The following CFAP54 variants were observed in gnomAD, a reference collection of about 807,000 sequenced individuals.
CFAP54 encodes the protein cilia and flagella associated protein 54, also known as cilia- and flagella-associated protein 54.
CFAP54 carries 290 observed loss-of-function variants against 370.4 expected under a neutral mutation model. That is an observed-to-expected ratio of 0.78 (90% CI 0.71 to 0.86). CFAP54 has a LOEUF of 0.86. Among genes scored for constraint, CFAP54 ranks in the 40% least tolerant of loss-of-function variants. CFAP54 has a pLI of 0.00. For synonymous variants in CFAP54, 1,206 were observed against 1,236.5 expected (o/e 0.98, Z 0.52); for missense variants, 3,399 against 3,528.7 (o/e 0.96, Z 0.93).
At chr12:96,822,169 A>G (rs1959042241) in intron 65 of CFAP54, among the ~76,000 whole-genome samples, 1 of 152,182 alleles carries the variant, frequency 6.6e-6, no homozygotes, top group South Asian at 2.1e-4. Context: ...CTGGCTGTGA[A>G]TGGCTGAGTT....
At chr12:96,746,563 A>G (rs1440890837) in intron 55 of CFAP54, among the ~76,000 whole-genome samples, 2 of 152,020 alleles carry the variant, frequency 1.3e-5, no homozygotes, top group African/African-American at 2.4e-5. Context: ...CCAATTTTCC[A>G]TCTCCCTCTC....
At chr12:96,848,570 G>A (rs1959434402) in intron 66 of CFAP54, among the ~76,000 whole-genome samples, 1 of 152,056 alleles carries the variant, frequency 6.6e-6, no homozygotes, top group South Asian at 2.1e-4. Flanking sequence ...GGTGGCATGT[G>A]CCTGTAGTCC....
chr12:96,650,350 A>G (rs889960507), intron 35 of CFAP54, among the ~76,000 whole-genome samples: 2 of 151,976 alleles, frequency 1.3e-5, no homozygotes, highest in Admixed American at 1.3e-4. Flanking sequence ...CTGTTCATGC[A>G]GTTCCTATGA....
At chr12:96,735,400 C>T (rs1046561794) in intron 50 of CFAP54, among the ~76,000 whole-genome samples, 1 of 152,134 alleles carries the variant, frequency 6.6e-6, no homozygotes, top group African/African-American at 2.4e-5. Context: ...AAGGGGTTCA[C>T]TATCCAAAAA....
chr12:96,842,070 C>T (rs1272171242), intron 66 of CFAP54, among the ~76,000 whole-genome samples: 1 of 152,176 alleles, frequency 6.6e-6, no homozygotes, highest in African/African-American at 2.4e-5. Context: ...CCTTTAACAA[C>T]TCCCTTCATT....
chr12:96,716,914 A>G (rs1957688021), intron 48 of CFAP54, among the ~76,000 whole-genome samples: 1 of 152,132 alleles, frequency 6.6e-6, no homozygotes, highest in South Asian at 2.1e-4. Flanking sequence ...ATATGGTGTT[A>G]TTTTTGCTGG....
chr12:96,870,907 G>A (rs1251157456), intron 67 of CFAP54, among the ~76,000 whole-genome samples: 1 of 152,172 alleles, frequency 6.6e-6, no homozygotes, highest in Non-Finnish European at 1.5e-5. Flanking sequence ...AACAAACTAG[G>A]TGAGGTCCAC....
intron 39 of CFAP54, among the ~76,000 whole-genome samples, chr12:96,668,592 A>T (rs1024506292): frequency 6.6e-6 from 1 of 152,210 alleles, no homozygotes; most frequent in Admixed American, 6.5e-5. Flanking sequence ...GGTTCTTCCC[A>T]TGACACATGG....
At chr12:96,569,680 C>G (rs1955895402) in intron 19 of CFAP54, among the ~76,000 whole-genome samples, 1 of 152,140 alleles carries the variant, frequency 6.6e-6, no homozygotes, top group Non-Finnish European at 1.5e-5. Context: ...CCACTCTAAG[C>G]AAAGGAGCAT....
intron 62 of CFAP54, among the ~76,000 whole-genome samples, chr12:96,791,738 G>T (rs1023479739): frequency 2.6e-5 from 4 of 152,126 alleles, no homozygotes; most frequent in African/African-American, 9.7e-5. Context: ...CAGTGGTAAT[G>T]TTGAGACTGA....
intron 35 of CFAP54, among the ~76,000 whole-genome samples, chr12:96,651,370 TA>T (rs1434766527): frequency 6.6e-6 from 1 of 152,204 alleles, no homozygotes; most frequent in African/African-American, 2.4e-5. Context: ...GTAAATTGGG[TA>T]AAATACTAGT....
intron 26 of CFAP54, among the ~76,000 whole-genome samples, chr12:96,614,016 G>A (rs1093228): frequency 0.21 from 31,483 of 152,034 alleles, 3,559 homozygotes; most frequent in East Asian, 0.48. Flanking sequence ...CATTTTATGA[G>A]GCCAGTGTCA....
chr12:96,546,613 GA>G (rs1194416102), intron 14 of CFAP54, among the ~76,000 whole-genome samples: 1 of 152,166 alleles, frequency 6.6e-6, no homozygotes, highest in African/African-American at 2.4e-5. Flanking sequence ...TGGACCACAT[GA>G]GGTCAGGAGT....
chr12:96,816,480 C>T (rs948556946), intron 64 of CFAP54, among the ~76,000 whole-genome samples: 3 of 152,114 alleles, frequency 2.0e-5, no homozygotes, highest in Non-Finnish European at 2.9e-5. Context: ...GTTTCTAAGG[C>T]ATACTATATA....
intron 1 of CFAP54, among the ~76,000 whole-genome samples, chr12:96,492,556 G>T (rs1954896051): frequency 1.3e-5 from 2 of 152,138 alleles, no homozygotes; most frequent in Non-Finnish European, 2.9e-5. Flanking sequence ...TTGTTTTCTT[G>T]TGTATTGTCT....
chr12:96,786,652 C>G (rs11108696), intron 61 of CFAP54, 23 bp from the exon 62 acceptor site: 506,026 of 1,468,378 alleles, frequency 0.34, 89,372 homozygotes, highest in South Asian at 0.53. Flanking sequence ...TGAACCTAAA[C>G]TAAGGTATTT....
At chr12:96,666,896 C>A (rs1957087304) in intron 39 of CFAP54, among the ~76,000 whole-genome samples, 1 of 152,190 alleles carries the variant, frequency 6.6e-6, no homozygotes, top group Non-Finnish European at 1.5e-5. Flanking sequence ...TGAGGCAAGG[C>A]AAGTCCTTCA....
At chr12:96,700,183 A>G in intron 46 of CFAP54, 90 bp downstream of exon 46, 1 of 1,369,858 alleles carries the variant, frequency 7.3e-7, no homozygotes, top group South Asian at 1.3e-5. Flanking sequence ...AAGTGTATTT[A>G]CAATCTCTGG....
intron 39 of CFAP54, 28 bp from the exon 40 acceptor site, chr12:96,679,572 C>T (rs1592704975): frequency 4.4e-6 from 7 of 1,596,998 alleles, no homozygotes; most frequent in Non-Finnish European, 4.3e-6. Flanking sequence ...CATTTCATCC[C>T]CAATATTCCG....
Sources: gnomAD v4.1 joint callset for allele counts (sites outside exome capture counted in the v4.1 genomes callset) on GRCh38, gnomAD v4.1.1 for gene constraint, MANE v1.5 for transcripts, NCBI Gene and HGNC (gene_info 2026-07-23, HGNC 2026-07-21) for gene names.